CELF2: variants seen among roughly 807,000 people sequenced by gnomAD.
The protein encoded by CELF2 is CUG triplet repeat RNA-binding protein 2.
Under a neutral mutation model 62.6 loss-of-function variants are expected in CELF2, and 8 were observed. The observed-to-expected ratio is 0.13, with a 90% confidence interval of 0.07 to 0.23. CELF2 has a LOEUF of 0.23. Ranked by LOEUF, CELF2 falls within the 10% of genes least tolerant of loss-of-function variation. CELF2 has a pLI of 1.00. For synonymous variants in CELF2, 258 were observed against 250.0 expected (o/e 1.03, Z -0.30); for missense variants, 333 against 671.0 (o/e 0.50, Z 5.56).
chr10:11,263,232 C>G (rs1479389065), intron 5 of CELF2, among the ~76,000 whole-genome samples: 2 of 151,962 alleles, frequency 1.3e-5, no homozygotes, highest in African/African-American at 4.8e-5. Context: ...CAGCTCCTTT[C>G]ATTTCTGTTA....
Position 11,041,062 on chromosome 10 carries a change from G to C in CELF2, c.74+22899G>C, listed in dbSNP as rs571513936. Among the ~76,000 whole-genome samples, 4 of 152,306 alleles carry C rather than the reference G, an allele frequency of 2.6e-5. No homozygotes were observed. The East Asian group carries it at 7.7e-4, about 29-fold the overall frequency. On this transcript the variant is annotated intron_variant, in intron 1 of 12. Coordinates refer to ENST00000633077, the MANE Select transcript of CELF2 (RefSeq NM_001326342.2). ...CCAACATCAAGGTGCTGACACATTT[G>C]GTTCTTGGTGAGGGCTCTCTTCCTG...
chr10:11,289,332 T>A (rs1426317355), intron 9 of CELF2, among the ~76,000 whole-genome samples: 1 of 152,176 alleles, frequency 6.6e-6, no homozygotes, highest in South Asian at 2.1e-4. Flanking sequence ...CAAAATCCCA[T>A]GACCCCCTAT....
At chr10:11,196,653 AAAAAC>A (rs773640692) in intron 2 of CELF2, among the ~76,000 whole-genome samples, 26 of 150,958 alleles carry the variant, frequency 1.7e-4, no homozygotes, top group African/African-American at 4.1e-4. Flanking sequence ...TCTCTTTAAA[AAAAAC>A]AAAACAAAAC....
the CELF2 span, among the ~76,000 whole-genome samples, chr10:10,723,871 C>A: frequency 1.3e-5 from 2 of 152,050 alleles, no homozygotes; most frequent in African/African-American, 4.8e-5. Flanking sequence ...GGTATGGGAG[C>A]CCCAAATATT....
chr10:10,465,829 C>T, the CELF2 span, among the ~76,000 whole-genome samples: 1 of 152,016 alleles, frequency 6.6e-6, no homozygotes, highest in Non-Finnish European at 1.5e-5. Flanking sequence ...AGACAATTAC[C>T]AGCTAACAAG....
At chr10:10,765,816 G>A in the CELF2 span, among the ~76,000 whole-genome samples, 1 of 152,160 alleles carries the variant, frequency 6.6e-6, no homozygotes, top group Non-Finnish European at 1.5e-5. Flanking sequence ...TCTTTGTTGG[G>A]CTGCAGTTGG....
At chr10:10,873,377 C>T (rs1346659693) in intron 1 of CELF2, among the ~76,000 whole-genome samples, 1 of 152,038 alleles carries the variant, frequency 6.6e-6, no homozygotes, top group East Asian at 1.9e-4. Flanking sequence ...TTAATTTTAG[C>T]CCTCGGGGTA....
chr10:10,495,468 G>A, the CELF2 span, among the ~76,000 whole-genome samples: 1 of 152,126 alleles, frequency 6.6e-6, no homozygotes, highest in Non-Finnish European at 1.5e-5. Flanking sequence ...GGAACTAGTG[G>A]AGAACTTAAG....
chr10:10,721,594 A>T, the CELF2 span, among the ~76,000 whole-genome samples: 1 of 152,200 alleles, frequency 6.6e-6, no homozygotes, highest in Non-Finnish European at 1.5e-5. Flanking sequence ...AGTGCAATAA[A>T]TATTTTCTTG....
chr10:10,784,129 G>A, the CELF2 span, among the ~76,000 whole-genome samples: 2 of 152,202 alleles, frequency 1.3e-5, no homozygotes, highest in Non-Finnish European at 2.9e-5. Context: ...AAATGGGAGA[G>A]TTCCCTGAAC....
chr10:10,696,149 CT>C, the CELF2 span, among the ~76,000 whole-genome samples: 1 of 152,084 alleles, frequency 6.6e-6, no homozygotes, highest in Non-Finnish European at 1.5e-5. Flanking sequence ...TACTTTTGGT[CT>C]TTGATGATGG....
intron 1 of CELF2, among the ~76,000 whole-genome samples, chr10:11,138,994 T>C (rs2060871434): frequency 6.6e-6 from 1 of 152,252 alleles, no homozygotes; most frequent in Admixed American, 6.5e-5. Flanking sequence ...TTATGGCAAT[T>C]ATATTTATTC....
intron 3 of CELF2, among the ~76,000 whole-genome samples, chr10:11,235,120 C>CA (rs76888602): frequency 0.099 from 15,014 of 151,774 alleles, 1,004 homozygotes; most frequent in East Asian, 0.23. Context: ...TTTCCACTAA[C>CA]AAAAAACAAA....
chr10:11,328,610 AC>A lies in CELF2; in HGVS notation c.1439-315del, dbSNP rs2095878473. Among the ~76,000 whole-genome samples, 1 of 152,236 alleles carries A rather than the reference AC, an allele frequency of 6.6e-6. No homozygotes were observed. The highest frequency in any genetic ancestry group is 2.4e-5 in the African/African-American group (1 of 41,472). On this transcript the variant is annotated intron_variant, in intron 12 of 12. Transcript: ENST00000633077. The surrounding 1 kb of genome is among the most constrained non-coding windows in gnomAD (Gnocchi z 6.4). Reference sequence around the variant, plus strand: ...GGAGAGATACTAAAGGACTTGAAACACAATGATTTGAGCGAGTTCAGTAAGT... The same window carrying A: ...GGAGAGATACTAAAGGACTTGAAACAAATGATTTGAGCGAGTTCAGTAAGT...
chr10:11,155,312 C>A (rs1056685232), intron 1 of CELF2, among the ~76,000 whole-genome samples: 2 of 152,180 alleles, frequency 1.3e-5, no homozygotes, highest in African/African-American at 4.8e-5. Context: ...CATCTGAGCC[C>A]CTGCTGCGAG....
chr10:10,785,576 C>A, the CELF2 span, among the ~76,000 whole-genome samples: 2 of 152,098 alleles, frequency 1.3e-5, no homozygotes, highest in African/African-American at 4.8e-5. Flanking sequence ...TTTGTGACAA[C>A]ATGGATGAAC....
At chr10:11,307,348 G>A (rs1004050367) in intron 9 of CELF2, among the ~76,000 whole-genome samples, 1 of 152,244 alleles carries the variant, frequency 6.6e-6, no homozygotes, top group African/African-American at 2.4e-5. Flanking sequence ...GGGCCCTCCT[G>A]TGATTTCCTG....
chr10:11,091,857 G>C (rs1456822789), intron 1 of CELF2, among the ~76,000 whole-genome samples: 1 of 152,192 alleles, frequency 6.6e-6, no homozygotes, highest in Non-Finnish European at 1.5e-5. Context: ...GATTCTCACA[G>C]ATATAACTCG....
the CELF2 span, among the ~76,000 whole-genome samples, chr10:10,699,452 A>G: frequency 6.6e-6 from 1 of 152,240 alleles, no homozygotes; most frequent in Non-Finnish European, 1.5e-5. Context: ...ATACTTAGAC[A>G]GTTAGCAAAT....
Sources: allele counts gnomAD v4.1 joint callset (sites outside exome capture counted in the v4.1 genomes callset), GRCh38; gene constraint gnomAD v4.1.1; non-coding constraint Gnocchi (gnomAD v3.1); transcripts MANE v1.5; gene names NCBI Gene and HGNC (gene_info 2026-07-23, HGNC 2026-07-21).